Variants in SLCO1C1 observed in about 807,000 individuals in gnomAD.
The protein encoded by SLCO1C1 is solute carrier organic anion transporter family member 1C1.
A neutral mutation model predicts 76.4 loss-of-function variants in SLCO1C1; 70 were observed. The ratio of observed to expected loss-of-function variants is 0.92; its 90% CI spans 0.76 to 1.12. The LOEUF is 1.12. Among genes scored for constraint, SLCO1C1 ranks in the 50% most tolerant of loss-of-function variants. The probability of loss-of-function intolerance (pLI) is 0.00; values close to 1 mark genes in which losing one functional copy is unlikely to be tolerated. For synonymous variants in SLCO1C1, 306 were observed against 286.1 expected (o/e 1.07, Z -0.70); for missense variants, 912 against 823.8 (o/e 1.11, Z -1.31).
At chr12:20,720,079 T>C (rs1381020313) in intron 7 of SLCO1C1, among the ~76,000 whole-genome samples, 5 of 152,186 alleles carry the variant, frequency 3.3e-5, no homozygotes, top group Admixed American at 3.3e-4. Context: ...TTCCTACACA[T>C]AGGCTCTTCC....
At chr12:20,732,746 TC>T (rs1948347609) in intron 9 of SLCO1C1, among the ~76,000 whole-genome samples, 162 bp from the exon 10 acceptor site, 1 of 152,140 alleles carries the variant, frequency 6.6e-6, no homozygotes, top group Admixed American at 6.6e-5. Flanking sequence ...CCACCATTAA[TC>T]TATAACCTAG....
intron 4 of SLCO1C1, among the ~76,000 whole-genome samples, chr12:20,708,816 C>G (rs546012061): frequency 6.6e-6 from 1 of 152,168 alleles, no homozygotes; most frequent in South Asian, 2.1e-4. Context: ...TTGAATCACC[C>G]GAGGCTCTTA....
At chr12:20,699,132 G>A (rs1475758428) in intron 1 of SLCO1C1, among the ~76,000 whole-genome samples, 1 of 152,006 alleles carries the variant, frequency 6.6e-6, no homozygotes, top group Non-Finnish European at 1.5e-5. Flanking sequence ...TATTTGTTTT[G>A]CTAAGAAGAT....
intron 14 of SLCO1C1, among the ~76,000 whole-genome samples, chr12:20,751,545 G>T (rs907877492): frequency 7.9e-5 from 12 of 152,104 alleles, no homozygotes; most frequent in Non-Finnish European, 1.8e-4. Flanking sequence ...GAATAAATTT[G>T]TTTGAGTTAA....
intron 11 of SLCO1C1, among the ~76,000 whole-genome samples, chr12:20,738,521 T>C (rs779460168): frequency 2.0e-5 from 3 of 152,182 alleles, no homozygotes; most frequent in Non-Finnish European, 2.9e-5. Context: ...TATTATTATT[T>C]TGACTTATTT....
chr12:20,715,316 C>T (rs1947312614), intron 6 of SLCO1C1, 31 bp downstream of exon 6: 1 of 1,608,574 alleles, frequency 6.2e-7, no homozygotes, highest in African/African-American at 1.3e-5. Flanking sequence ...CACTTATCTT[C>T]TTGGGAAGCA....
rs572571403 is a variant in SLCO1C1, at chr12:20,722,136, G to A, written c.1021+87G>A. The A allele has an allele frequency of 5.6e-4, 815 of 1,468,198 alleles. 7 individuals carry two copies. In the South Asian group the frequency reaches 8.6e-3, roughly 15 times the overall value. 90.9% of individuals were successfully genotyped at this position (1,468,198 alleles called of 1,614,324 possible). ...TAAATTACATCCCTCTCTTCCCTTC[G>A]TGTATTAAAAAGTTGAGAAACCATA... On this transcript the variant is annotated intron_variant, in intron 8 of 14. Coordinates refer to ENST00000266509, the MANE Select transcript of SLCO1C1 (RefSeq NM_017435.5).
chr12:20,715,196 T>C lies in SLCO1C1; in HGVS notation c.587T>C (p.Leu196Pro). ...MWIYVFLGNL[L>P]RGIGETPIQP... ...ATTTATGTTTTCCTGGGCAATCTTC[T>C]TCGTGGAATAGGAGAAACTCCCATT... is the stretch of plus-strand genomic sequence containing the variant. The change falls in exon 6 of 15, where the codon CTT becomes CCT. Residue 196 changes from leucine to proline, a missense_variant. Leu to Pro is a moderately conservative substitution (Grantham distance 98). Transcript: ENST00000266509. The C allele has an allele frequency of 6.2e-7, 1 of 1,614,140 alleles. No individual in the cohort carries two copies. Among genetic ancestry groups the C allele is most frequent in the Non-Finnish European group, 8.5e-7 (1 of 1,179,954 alleles).
At chr12:20,720,004 C>T (rs1331361244) in intron 7 of SLCO1C1, among the ~76,000 whole-genome samples, 1 of 152,168 alleles carries the variant, frequency 6.6e-6, no homozygotes, top group Non-Finnish European at 1.5e-5. Context: ...GGGTGACTCT[C>T]TTGTTAGGGG....
chr12:20,715,863 T>C (rs767075959), intron 6 of SLCO1C1, among the ~76,000 whole-genome samples: 12 of 152,140 alleles, frequency 7.9e-5, no homozygotes, highest in Non-Finnish European at 1.6e-4. Context: ...CAGCTAAAAA[T>C]CTGAAAAACC....
In SLCO1C1 at chr12:20,717,163, A is replaced by C; in HGVS notation, c.708A>C (p.Pro236=). 2 of 1,604,366 alleles carry C rather than the reference A, an allele frequency of 1.2e-6. No individual in the cohort carries two copies. The highest frequency in any genetic ancestry group is 1.1e-5 in the South Asian group (1 of 88,626). The change falls in exon 7 of 15, where the codon CCA becomes CCC. Residue 236 remains proline, a synonymous_variant. Coordinates refer to ENST00000266509, the MANE Select transcript of SLCO1C1 (RefSeq NM_017435.5). ...TGCAGACGGTTGCAATTATAGGACC[A>C]ATCTTTGGTTTCCTGTTAGGCTCAT... is the stretch of plus-strand genomic sequence containing the variant. The part of the protein sequence containing the change: ...GCVQTVAIIG[P]IFGFLLGSLC...
At chr12:20,706,414 A>G (rs749748683) in intron 4 of SLCO1C1, among the ~76,000 whole-genome samples, 12 of 152,172 alleles carry the variant, frequency 7.9e-5, no homozygotes, top group Non-Finnish European at 1.8e-4. Context: ...TAGGTAATTA[A>G]TAAACACTGC....
chr12:20,722,942 T>A, intron 8 of SLCO1C1, 148 bp from the exon 9 acceptor site: 1 of 660,788 alleles, frequency 1.5e-6, no homozygotes, highest in South Asian at 2.1e-5. Context: ...TGGCTTACTA[T>A]ATACATAGTG....
intron 13 of SLCO1C1, among the ~76,000 whole-genome samples, chr12:20,744,260 C>T (rs1948943094): frequency 6.6e-6 from 1 of 151,962 alleles, no homozygotes; most frequent in Admixed American, 6.6e-5. Flanking sequence ...GAATTGGCCC[C>T]CATATCTACC....
At position 20,737,284 on chromosome 12, in the gene SLCO1C1, C is replaced by T. The variant is rs775920675; in HGVS notation, c.1548+12C>T. Reference sequence around the variant, plus strand: ...GTGGAAAAAATATTGTAAGAAATCACCTCTCAAGTATATGGCGATGGTCCT... The same window carrying T: ...GTGGAAAAAATATTGTAAGAAATCATCTCTCAAGTATATGGCGATGGTCCT... On this transcript the variant is annotated intron_variant, in intron 11 of 14. Coordinates refer to ENST00000266509, the MANE Select transcript of SLCO1C1 (RefSeq NM_017435.5). The T allele has an allele frequency of 6.4e-7, 1 of 1,552,956 alleles. No individual in the cohort carries two copies. The highest frequency in any genetic ancestry group is 1.2e-5 in the South Asian group (1 of 80,108).
rs535129120 is a variant in SLCO1C1, at chr12:20,743,451, C to A, written c.1798+82C>A. On this transcript the variant is annotated intron_variant, in intron 13 of 14. Coordinates refer to ENST00000266509, the MANE Select transcript of SLCO1C1 (RefSeq NM_017435.5). ...TTTTCTAAATATTTTTACAGAATTGCCATGCATAAATATATGTTGTAGGTG... is the reference window on the plus strand; with the variant it reads ...TTTTCTAAATATTTTTACAGAATTGACATGCATAAATATATGTTGTAGGTG... 1.7e-4 allele frequency: 193 copies of A among 1,137,044 alleles called. No individual in the cohort carries two copies. In the South Asian group the frequency reaches 2.5e-3, roughly 14 times the overall value. 70.4% of individuals were successfully genotyped at this position (1,137,044 alleles called of 1,614,324 possible).
chr12:20,737,008 A>G (rs974453), intron 10 of SLCO1C1, 99 bp from the exon 11 acceptor site: 964,940 of 1,078,510 alleles, frequency 0.89, 433,165 homozygotes, highest in South Asian at 0.95. Flanking sequence ...AATTTTGTTC[A>G]TAGTATCATT....
intron 9 of SLCO1C1, 29 bp downstream of exon 9, chr12:20,723,283 C>T: frequency 6.2e-7 from 1 of 1,609,090 alleles, no homozygotes; most frequent in East Asian, 2.2e-5. Context: ...CATGCTTTCT[C>T]AGAGGGACTG....
At chr12:20,737,036 T>C (rs1248611357) in intron 10 of SLCO1C1, 71 bp from the exon 11 acceptor site, 47 of 1,318,908 alleles carry the variant, frequency 3.6e-5, no homozygotes, top group Non-Finnish European at 4.4e-5. Context: ...CTCAAGAACA[T>C]TGATTTTTTG....
Sources: allele counts gnomAD v4.1 joint callset (sites outside exome capture counted in the v4.1 genomes callset), GRCh38; gene constraint gnomAD v4.1.1; transcripts MANE v1.5; gene names NCBI Gene and HGNC (gene_info 2026-07-23, HGNC 2026-07-21).